COL4A2: variants seen among roughly 807,000 people sequenced by gnomAD.
The protein encoded by COL4A2 is collagen alpha-2(IV) chain.
In COL4A2, 99 loss-of-function variants were observed where a neutral mutation model predicts 200.2. The observed-to-expected ratio is 0.49, with a 90% CI of 0.42 to 0.58. The LOEUF (loss-of-function observed/expected upper bound fraction) is 0.58, where lower values mean the gene tolerates loss of function less well. Ranked by LOEUF, COL4A2 falls within the 20% of genes least tolerant of loss-of-function variation. COL4A2 has a pLI of 0.00. For synonymous variants in COL4A2, 897 were observed against 900.6 expected, an observed-to-expected ratio of 1.00 and a Z score of 0.07; for missense variants, 1,950 against 2,314.1, an observed-to-expected ratio of 0.84 and a Z score of 3.23.
intron 3 of COL4A2, among the ~76,000 whole-genome samples, chr13:110,333,374 C>T (rs1317314011): frequency 2.0e-5 from 3 of 152,220 alleles, no homozygotes. Context: ...GTCCATCCCA[C>T]ATCCAGCCTA....
At position 110,512,127 on chromosome 13, in the gene COL4A2, C is replaced by A; in HGVS notation, c.5075C>A (p.Thr1692Lys). Residue 1692 changes from threonine (T) to lysine (K), a missense_variant, in exon 48 of 48, where the codon ACG (threonine) becomes AAG (lysine). Thr to Lys is a moderately conservative substitution (Grantham distance 78). Transcript: ENST00000360467. ...QSFQGSPSAD[T>K]LKAGLIRTHI... is the part of the protein sequence containing the mutation. ...TTCCAGGGCTCGCCCTCCGCCGACACGCTCAAGGCCGGCCTCATCCGCACA... is the reference window on the plus strand; with the variant it reads ...TTCCAGGGCTCGCCCTCCGCCGACAAGCTCAAGGCCGGCCTCATCCGCACA... 6.2e-7 allele frequency: 1 copy of A among 1,613,494 alleles called. No individual in the cohort carries two copies. The highest frequency in any genetic ancestry group is 8.5e-7 in the Non-Finnish European group (1 of 1,180,052).
At chr13:110,383,614 T>C (rs979342888) in intron 4 of COL4A2, among the ~76,000 whole-genome samples, 3 of 134,678 alleles carry the variant, frequency 2.2e-5, no homozygotes, top group Non-Finnish European at 4.7e-5. Context: ...TTCTTTTTTT[T>C]TTTTTTTTTT....
At chr13:110,408,666 A>G (rs545811673) in intron 4 of COL4A2, among the ~76,000 whole-genome samples, 20 of 152,334 alleles carry the variant, frequency 1.3e-4, no homozygotes, top group African/African-American at 3.6e-4. Flanking sequence ...GGGCGTGGAC[A>G]CAGAGAGAAA....
Position 110,416,388 on chromosome 13 carries a change from G to A in COL4A2, c.181-8346G>A, listed in dbSNP as rs138492877. Among the ~76,000 whole-genome samples, 83 of 152,362 alleles carry A rather than the reference G, an allele frequency of 5.4e-4. 1 individual carries two copies. Among genetic ancestry groups the A allele is most frequent in the African/African-American group, 1.9e-3 (81 of 41,592 alleles). On this transcript the variant is annotated intron_variant, in intron 4 of 47. Transcript: ENST00000360467. ...GACTCCAAGTCTTCTTAGAGGACAA[G>A]CAGGCTTAGGAAATCACATCAGTCT...
At chr13:110,494,951 G>A (rs1231383119) in intron 39 of COL4A2, among the ~76,000 whole-genome samples, 3 of 152,228 alleles carry the variant, frequency 2.0e-5, no homozygotes, top group Admixed American at 6.5e-5. Flanking sequence ...CCATGATGGC[G>A]ATGAGCACCT....
chr13:110,464,064 G>C (rs563252274), intron 24 of COL4A2, among the ~76,000 whole-genome samples: 7 of 152,288 alleles, frequency 4.6e-5, no homozygotes, highest in Non-Finnish European at 8.8e-5. Context: ...TATGTGTGGT[G>C]TGTGGTGTGC....
chr13:110,336,797 A>C (rs1229712317), intron 3 of COL4A2, among the ~76,000 whole-genome samples: 1 of 152,240 alleles, frequency 6.6e-6, no homozygotes, highest in Non-Finnish European at 1.5e-5. Flanking sequence ...TTCGTTGATC[A>C]GCTTCTGGGA....
In COL4A2 at chr13:110,445,124, T is replaced by C. The variant is rs1881272240; in HGVS notation, c.958-705T>C. Among the ~76,000 whole-genome samples, 3 of 152,208 alleles carry C rather than the reference T, an allele frequency of 2.0e-5. No homozygotes were observed. In the South Asian group the frequency reaches 6.2e-4, roughly 32 times the overall value. Reference sequence around the variant, plus strand: ...CCTTGGCTTCCCGAAGTGCTGGGATTACAGGCATGAGCCACCATACCCAGC... The same window carrying C: ...CCTTGGCTTCCCGAAGTGCTGGGATCACAGGCATGAGCCACCATACCCAGC... On this transcript the variant is annotated intron_variant, in intron 16 of 47. Transcript: ENST00000360467.
chr13:110,377,777 T>C (rs1374699578), intron 4 of COL4A2, among the ~76,000 whole-genome samples: 12 of 152,142 alleles, frequency 7.9e-5, no homozygotes, highest in Admixed American at 5.9e-4. Context: ...GAAGGTAAAA[T>C]CATCTGAATA....
chr13:110,335,512 G>T (rs1040890470), intron 3 of COL4A2, among the ~76,000 whole-genome samples: 6 of 152,094 alleles, frequency 3.9e-5, no homozygotes, highest in Admixed American at 1.3e-4. Context: ...ATGATTGTGA[G>T]GCCTCCCCAG....
chr13:110,335,912 T>A (rs1313417165), intron 3 of COL4A2, among the ~76,000 whole-genome samples: 2 of 152,240 alleles, frequency 1.3e-5, no homozygotes, highest in African/African-American at 2.4e-5. Context: ...TTCCACAAGA[T>A]CCTGGAAGTC....
chr13:110,384,226 G>A (rs1878598107), intron 4 of COL4A2, among the ~76,000 whole-genome samples: 1 of 152,168 alleles, frequency 6.6e-6, no homozygotes, highest in Admixed American at 6.5e-5. Context: ...ATACATCAAT[G>A]ACAGAGAAGT....
At chr13:110,447,080 A>G (rs1881356121) in intron 18 of COL4A2, among the ~76,000 whole-genome samples, 1 of 152,230 alleles carries the variant, frequency 6.6e-6, no homozygotes, top group Non-Finnish European at 1.5e-5. Context: ...GGAGACCTTC[A>G]TGTTGCCTGT....
intron 4 of COL4A2, among the ~76,000 whole-genome samples, chr13:110,416,635 TG>T (rs1463098326): frequency 6.6e-6 from 1 of 152,226 alleles, no homozygotes; most frequent in African/African-American, 2.4e-5. Flanking sequence ...ATACTATGGG[TG>T]GGGAAGAGGA....
chr13:110,441,018 C>T (rs1175555173), intron 16 of COL4A2, among the ~76,000 whole-genome samples: 3 of 152,250 alleles, frequency 2.0e-5, no homozygotes, highest in East Asian at 1.9e-4. Context: ...TATTTCCTTA[C>T]GCCCTCGAGG....
Position 110,504,484 on chromosome 13 carries a change from C to T in COL4A2, c.4402+220C>T, listed in dbSNP as rs570436724. On this transcript the variant is annotated intron_variant, in intron 45 of 47. Coordinates refer to ENST00000360467, the MANE Select transcript of COL4A2 (RefSeq NM_001846.4). ...GACAGCCTCCCTCCTTTTCCTGGGA[C>T]ACCTGCGGTGCTGTGGAGTGGGCGG... 2.6e-5 allele frequency among the ~76,000 whole-genome samples: 4 copies of T among 152,334 alleles called. No homozygotes were observed. In the South Asian group the frequency reaches 6.2e-4, roughly 24 times the overall value.
At chr13:110,327,986 T>C (rs1447003461) in intron 3 of COL4A2, among the ~76,000 whole-genome samples, 2 of 152,254 alleles carry the variant, frequency 1.3e-5, no homozygotes, top group African/African-American at 4.8e-5. Context: ...TTTTAAATGA[T>C]GAAGTGATGT....
intron 4 of COL4A2, among the ~76,000 whole-genome samples, chr13:110,367,682 G>A (rs747127486): frequency 2.6e-5 from 4 of 152,254 alleles, no homozygotes; most frequent in South Asian, 2.1e-4. Flanking sequence ...GAATATTGCC[G>A]TGGCCTTTGA....
chr13:110,360,467 C>A (rs1260687055), intron 4 of COL4A2, among the ~76,000 whole-genome samples: 1 of 152,184 alleles, frequency 6.6e-6, no homozygotes, highest in Non-Finnish European at 1.5e-5. Flanking sequence ...TGCCAGAGGT[C>A]TTTTCAGTGA....
Sources: gnomAD v4.1 joint callset for allele counts (sites outside exome capture counted in the v4.1 genomes callset) on GRCh38, gnomAD v4.1.1 for gene constraint, MANE v1.5 for transcripts, NCBI Gene and HGNC (gene_info 2026-07-23, HGNC 2026-07-21) for gene names.